The following CCDC6 variants were observed in gnomAD, a reference collection of about 807,000 sequenced individuals.
CCDC6 encodes the protein coiled-coil domain-containing protein 6.
CCDC6 carries 20 observed loss-of-function variants against 56.6 expected under a neutral mutation model. The observed-to-expected ratio is 0.35, with a 90% CI of 0.25 to 0.51. The LOEUF is 0.51. Among genes scored for constraint, CCDC6 ranks in the 20% least tolerant of loss-of-function variants. CCDC6 has a pLI of 0.95. For synonymous variants in CCDC6, 241 were observed against 234.4 expected, an observed-to-expected ratio of 1.03 and a Z score of -0.26; for missense variants, 367 against 601.1, an observed-to-expected ratio of 0.61 and a Z score of 4.07.
intron 8 of CCDC6, among the ~76,000 whole-genome samples, chr10:59,794,174 A>T (rs1284022051): frequency 6.6e-6 from 1 of 152,232 alleles, no homozygotes; most frequent in Non-Finnish European, 1.5e-5. Flanking sequence ...ATGGCAACCA[A>T]CAATAATGCA....
At chr10:59,798,320 T>A (rs112811707) in intron 7 of CCDC6, among the ~76,000 whole-genome samples, 1 of 152,362 alleles carries the variant, frequency 6.6e-6, no homozygotes, top group East Asian at 1.9e-4. Flanking sequence ...TGCTCTTCCA[T>A]CTGTCTTTTT....
chr10:59,864,523 C>T (rs765893325), intron 1 of CCDC6, among the ~76,000 whole-genome samples: 6 of 152,090 alleles, frequency 3.9e-5, no homozygotes, highest in Admixed American at 1.3e-4. Flanking sequence ...GATTGTTCTG[C>T]GGGGTGTAGG....
chr10:59,865,462 A>G (rs980583350), intron 1 of CCDC6, among the ~76,000 whole-genome samples: 2 of 152,214 alleles, frequency 1.3e-5, no homozygotes, highest in Non-Finnish European at 2.9e-5. Context: ...AAAGGAAATT[A>G]AAAACAACAA....
chr10:59,882,544 C>CGGGGAGAAGGAAAGGAAAGCCGG (rs2071350529), intron 1 of CCDC6, among the ~76,000 whole-genome samples: 2 of 3,590 alleles, frequency 5.6e-4, no homozygotes, highest in African/African-American at 7.8e-4. Context: ...AGGAAAGCCG[C>CGGGGAGAAGGAAAGGAAAGCCGG]GGGGAGAAGG....
chr10:59,839,105 T>C (rs985751817), intron 2 of CCDC6, among the ~76,000 whole-genome samples: 1 of 152,242 alleles, frequency 6.6e-6, no homozygotes, highest in African/African-American at 2.4e-5. Context: ...TTCATAACTC[T>C]ACAGTAGAAA....
intron 1 of CCDC6, among the ~76,000 whole-genome samples, chr10:59,889,459 T>TA (rs2071406180): frequency 1.3e-5 from 2 of 152,158 alleles, no homozygotes; most frequent in South Asian, 4.1e-4. Flanking sequence ...CCTGAGGGAA[T>TA]AAAAACCTTT....
chr10:59,881,760 C>T (rs957576279), intron 1 of CCDC6, among the ~76,000 whole-genome samples: 1 of 152,198 alleles, frequency 6.6e-6, no homozygotes, highest in Non-Finnish European at 1.5e-5. Flanking sequence ...AGGAGCTCTA[C>T]TTGGTATTAA....
intron 1 of CCDC6, among the ~76,000 whole-genome samples, chr10:59,868,577 C>T (rs1355229660): frequency 4.6e-5 from 7 of 152,026 alleles, no homozygotes; most frequent in Admixed American, 4.6e-4. Flanking sequence ...ACCTGGTGCC[C>T]TCCCTACTGA....
intron 3 of CCDC6, among the ~76,000 whole-genome samples, chr10:59,822,378 T>A (rs56360575): frequency 0.2 from 29,895 of 152,112 alleles, 3,624 homozygotes; most frequent in Middle Eastern, 0.29. Flanking sequence ...TTCATCACTT[T>A]AACATCAACA....
intron 2 of CCDC6, among the ~76,000 whole-genome samples, chr10:59,850,167 T>C (rs1182687750): frequency 6.6e-6 from 1 of 152,128 alleles, no homozygotes; most frequent in Non-Finnish European, 1.5e-5. Context: ...CTGCTATCCA[T>C]CCCTTTCAAA....
At chr10:59,794,637 A>C in intron 7 of CCDC6, 40 bp from the exon 8 acceptor site, 1 of 1,596,618 alleles carries the variant, frequency 6.3e-7, no homozygotes, top group East Asian at 2.2e-5. Context: ...TTTAAGCTCA[A>C]CTATCTGGTG....
At chr10:59,814,599 A>C (rs2070697603) in intron 4 of CCDC6, 53 bp downstream of exon 4, 2 of 927,804 alleles carry the variant, frequency 2.2e-6, no homozygotes, top group South Asian at 1.4e-5. Flanking sequence ...CCAGAGCAGC[A>C]ACACACACAC....
intron 7 of CCDC6, among the ~76,000 whole-genome samples, chr10:59,799,396 A>T (rs2070553617): frequency 6.6e-6 from 1 of 152,214 alleles, no homozygotes; most frequent in Non-Finnish European, 1.5e-5. Context: ...ACTGCACTCC[A>T]GCCTGGGCAA....
At chr10:59,901,990 G>A (rs527268106) in intron 1 of CCDC6, among the ~76,000 whole-genome samples, 1 of 152,260 alleles carries the variant, frequency 6.6e-6, no homozygotes, top group South Asian at 2.1e-4. Context: ...TGATTCCCCT[G>A]CTGACTTCAT....
At chr10:59,812,611 C>T (rs2070682403) in intron 5 of CCDC6, 24 bp downstream of exon 5, 1 of 1,561,106 alleles carries the variant, frequency 6.4e-7, no homozygotes. Context: ...AGGCATGAAA[C>T]TAGTGAAACC....
intron 2 of CCDC6, among the ~76,000 whole-genome samples, chr10:59,846,871 C>T (rs892119495): frequency 1.3e-5 from 2 of 152,136 alleles, no homozygotes; most frequent in African/African-American, 4.8e-5. Context: ...TGTAGACAAT[C>T]CAGAACAAGC....
chr10:59,802,503 T>C (rs1430763429), intron 7 of CCDC6, among the ~76,000 whole-genome samples: 1 of 152,228 alleles, frequency 6.6e-6, no homozygotes, highest in East Asian at 1.9e-4. Context: ...CACTACAATG[T>C]ACTAGATCAG....
At chr10:59,819,283 T>A (rs1343982040) in intron 3 of CCDC6, among the ~76,000 whole-genome samples, 1 of 152,224 alleles carries the variant, frequency 6.6e-6, no homozygotes, top group Non-Finnish European at 1.5e-5. Flanking sequence ...TTTCATTACA[T>A]AGGCTGGCAG....
At chr10:59,871,468 TAAAAAAAAAAA>T (rs138741485) in intron 1 of CCDC6, among the ~76,000 whole-genome samples, 1 of 98,492 alleles carries the variant, frequency 1.0e-5, no homozygotes, top group Non-Finnish European at 2.0e-5. Context: ...TAATACTCAT[TAAAAAAAAAAA>T]AAAAAAAAAA....
Sources: allele counts gnomAD v4.1 joint callset (sites outside exome capture counted in the v4.1 genomes callset), GRCh38; gene constraint gnomAD v4.1.1; transcripts MANE v1.5; gene names NCBI Gene and HGNC (gene_info 2026-07-23, HGNC 2026-07-21).